RIT2: variants seen among roughly 807,000 people sequenced by gnomAD.
The protein encoded by RIT2 is Ras like without CAAX 2, also known as GTP-binding protein Rit2.
A neutral mutation model predicts 23.7 loss-of-function variants in RIT2; 24 were observed. The observed-to-expected ratio is 1.01, with a 90% CI of 0.73 to 1.43. The LOEUF (loss-of-function observed/expected upper bound fraction) is 1.43, where lower values mean the gene tolerates loss of function less well. Among genes scored for constraint, RIT2 ranks in the 40% most tolerant of loss-of-function variants. RIT2 has a pLI of 0.00. For synonymous variants in RIT2, 107 were observed against 91.1 expected (o/e 1.17, Z -0.99); for missense variants, 236 against 266.9 (o/e 0.88, Z 0.81).
chr18:42,753,900 A>T (rs913236265), intron 4 of RIT2, among the ~76,000 whole-genome samples: 4 of 152,200 alleles, frequency 2.6e-5, no homozygotes, highest in Admixed American at 6.5e-5. Flanking sequence ...ATTTAAAGGT[A>T]AGTGCTACAT....
intron 1 of RIT2, among the ~76,000 whole-genome samples, chr18:43,103,093 G>C (rs550054313): frequency 6.6e-6 from 1 of 152,268 alleles, no homozygotes; most frequent in Non-Finnish European, 1.5e-5. Context: ...GGTCACCAAA[G>C]ATTGTTAATG....
intron 4 of RIT2, among the ~76,000 whole-genome samples, chr18:42,917,261 T>C (rs571632672): frequency 4.1e-4 from 63 of 152,260 alleles, no homozygotes; most frequent in African/African-American, 1.4e-3. Flanking sequence ...ATCTGATTCT[T>C]TCAACTACAT....
intron 4 of RIT2, among the ~76,000 whole-genome samples, chr18:42,901,160 A>G (rs535243132): frequency 8.5e-5 from 13 of 152,166 alleles, no homozygotes; most frequent in African/African-American, 2.6e-4. Flanking sequence ...GAGACAATAA[A>G]CATTATTAAT....
intron 2 of RIT2, among the ~76,000 whole-genome samples, chr18:43,013,855 A>C (rs1911410210): frequency 6.6e-6 from 1 of 151,724 alleles, no homozygotes; most frequent in African/African-American, 2.4e-5. Flanking sequence ...TACTTCTCAC[A>C]AACTAGGTCC....
chr18:42,969,337 C>T (rs535058968), intron 3 of RIT2, among the ~76,000 whole-genome samples: 6 of 151,996 alleles, frequency 3.9e-5, no homozygotes, highest in African/African-American at 1.2e-4. Context: ...AAGCCACAAA[C>T]TGGGGAAGAA....
chr18:42,781,202 G>C (rs1035323865), intron 4 of RIT2, among the ~76,000 whole-genome samples: 1 of 110,352 alleles, frequency 9.1e-6, no homozygotes, highest in African/African-American at 3.3e-5. Flanking sequence ...TATTGTATAA[G>C]GAGTAATAAA....
At chr18:43,013,192 T>C (rs1038350593) in intron 2 of RIT2, among the ~76,000 whole-genome samples, 6 of 151,908 alleles carry the variant, frequency 3.9e-5, no homozygotes, top group East Asian at 3.9e-4. Context: ...ATGATGACTT[T>C]GAAAAGATTC....
At chr18:42,905,909 G>GA (rs552401154) in intron 4 of RIT2, among the ~76,000 whole-genome samples, 4,645 of 131,496 alleles carry the variant, frequency 0.035, 97 homozygotes, top group African/African-American at 0.041. Context: ...GGCTAAGGAG[G>GA]AAAAAAAAAA....
At chr18:42,963,819 C>A (rs1195211968) in intron 3 of RIT2, among the ~76,000 whole-genome samples, 1 of 152,082 alleles carries the variant, frequency 6.6e-6, no homozygotes, top group East Asian at 1.9e-4. Context: ...TCACTTGAAC[C>A]CAGGAGGTGG....
At chr18:42,814,161 A>G (rs1466675130) in intron 4 of RIT2, among the ~76,000 whole-genome samples, 1 of 152,154 alleles carries the variant, frequency 6.6e-6, no homozygotes, top group African/African-American at 2.4e-5. Context: ...GGCCGCAGGG[A>G]AAAGGAAATC....
chr18:42,745,395 G>T (rs559429368), intron 4 of RIT2, among the ~76,000 whole-genome samples: 3 of 152,170 alleles, frequency 2.0e-5, no homozygotes, highest in Non-Finnish European at 4.4e-5. Context: ...ATAAGTGGCT[G>T]AGCTGGGGTG....
At chr18:43,070,605 G>A (rs1912876190) in intron 1 of RIT2, among the ~76,000 whole-genome samples, 4 of 152,202 alleles carry the variant, frequency 2.6e-5, no homozygotes, top group Admixed American at 2.6e-4. Flanking sequence ...GAATGCAGTG[G>A]AGGATAAGGG....
chr18:42,860,708 A>G (rs1310425825), intron 4 of RIT2, among the ~76,000 whole-genome samples: 1 of 152,144 alleles, frequency 6.6e-6, no homozygotes, highest in East Asian at 1.9e-4. Context: ...GGCTGCAGAG[A>G]GCTTAGTAAT....
Position 42,745,276 on chromosome 18 carries a change from A to G in RIT2, c.427-1556T>C, listed in dbSNP as rs560179197. Among the ~76,000 whole-genome samples the G allele has an allele frequency of 5.3e-5, 8 of 152,276 alleles. No homozygotes were observed. In the South Asian group the frequency reaches 1.7e-3, roughly 32 times the overall value. On this transcript the variant is annotated intron_variant, in intron 4 of 4. Coordinates refer to ENST00000326695, the MANE Select transcript of RIT2 (RefSeq NM_002930.4). ...AGCTCACTCATGTTGGATACCTGGC[A>G]TAACTAAGAAAAAAAACCTTCATTA...
intron 4 of RIT2, among the ~76,000 whole-genome samples, chr18:42,866,660 C>T (rs1182353740): frequency 6.8e-6 from 1 of 147,512 alleles, no homozygotes; most frequent in African/African-American, 2.5e-5. Context: ...AAAAAGAAAA[C>T]ACCCCTTCTC....
intron 4 of RIT2, among the ~76,000 whole-genome samples, chr18:42,857,417 A>G (rs923468975): frequency 3.3e-5 from 5 of 152,198 alleles, no homozygotes; most frequent in Non-Finnish European, 5.9e-5. Context: ...TATTTGTTGG[A>G]AGATAAAAGT....
chr18:42,852,180 C>A (rs186489624), intron 4 of RIT2, among the ~76,000 whole-genome samples: 18 of 152,264 alleles, frequency 1.2e-4, no homozygotes, highest in Admixed American at 1.1e-3. Context: ...TGCCTTAACA[C>A]AATAAAATGG....
In RIT2 at chr18:42,863,667, T is replaced by C. The variant is rs138253881; in HGVS notation, c.426+59905A>G. Among the ~76,000 whole-genome samples, 3 of 152,320 alleles carry C rather than the reference T, an allele frequency of 2.0e-5. No individual in the cohort carries two copies. In the East Asian group the frequency reaches 5.8e-4, roughly 29 times the overall value. On this transcript the variant is annotated intron_variant, in intron 4 of 4. Transcript: ENST00000326695. ...GAAATGAACTCTCCAATTCTTTCTC[T>C]GAATTAACTCCTAGTATATTCATTG...
At chr18:42,756,089 G>A (rs1487845084) in intron 4 of RIT2, among the ~76,000 whole-genome samples, 1 of 152,128 alleles carries the variant, frequency 6.6e-6, no homozygotes, top group Non-Finnish European at 1.5e-5. Flanking sequence ...GTTTAGACCA[G>A]AGCACAAGGG....
Sources: allele counts gnomAD v4.1 joint callset (sites outside exome capture counted in the v4.1 genomes callset), GRCh38; gene constraint gnomAD v4.1.1; transcripts MANE v1.5; gene names NCBI Gene and HGNC (gene_info 2026-07-23, HGNC 2026-07-21).